The following CCT5 variants were observed in gnomAD, a reference collection of about 807,000 sequenced individuals.
The protein encoded by CCT5 is T-complex protein 1 subunit epsilon.
A neutral mutation model predicts 55.0 loss-of-function variants in CCT5; 6 were observed. The ratio of observed to expected loss-of-function variants is 0.11; its 90% CI spans 0.06 to 0.22. The LOEUF (loss-of-function observed/expected upper bound fraction) is 0.22. Among genes scored for constraint, CCT5 ranks in the 10% least tolerant of loss-of-function variants. The pLI is 1.00. For synonymous variants in CCT5, 231 were observed against 243.7 expected (o/e 0.95, Z 0.49); for missense variants, 560 against 694.6 (o/e 0.81, Z 2.18).
intron 6 of CCT5, among the ~76,000 whole-genome samples, chr5:10,259,155 T>G (rs950172542): frequency 9.9e-5 from 15 of 152,246 alleles, no homozygotes; most frequent in Admixed American, 9.8e-4. Flanking sequence ...AGTTAATGAG[T>G]AACTGGAGTT....
At chr5:10,251,978 G>T (rs1219656643) in intron 1 of CCT5, among the ~76,000 whole-genome samples, 1 of 152,238 alleles carries the variant, frequency 6.6e-6, no homozygotes, top group Non-Finnish European at 1.5e-5. Flanking sequence ...CTTGGGCCCA[G>T]AGCAGTTGAG....
intron 9 of CCT5, 29 bp downstream of exon 9, chr5:10,262,647 G>A (rs1423356296): frequency 4.3e-6 from 7 of 1,613,248 alleles, no homozygotes; most frequent in South Asian, 1.1e-5. Flanking sequence ...CTTAGTGAAA[G>A]ATTCAGGCCT....
chr5:10,258,012 C>T (rs998177422), intron 4 of CCT5, 99 bp from the exon 5 acceptor site: 6 of 1,258,758 alleles, frequency 4.8e-6, no homozygotes, highest in African/African-American at 4.4e-5. Context: ...CTCAAAACAT[C>T]GTTTGATTTA....
chr5:10,265,684 CAT>C lies in CCT5; in HGVS notation c.*903_*904del, dbSNP rs1746195376. The C allele has an allele frequency of 6.6e-6, 1 of 152,148 alleles. No homozygotes were observed. The highest frequency in any genetic ancestry group is 1.5e-5 in the Non-Finnish European group (1 of 68,064). The allele number at this position is 152,148 out of a possible 1,614,324, so 9.4% of individuals were successfully genotyped here. A position where few individuals can be genotyped will look rare whatever the true frequency, so the allele number is the denominator to read the frequency against. On this transcript the variant is annotated 3_prime_UTR_variant, in exon 11 of 11. Coordinates refer to ENST00000280326, the MANE Select transcript of CCT5 (RefSeq NM_012073.5). ...TGCTCACATCTTACAGGTGAGTACTCATAATTGGCCAGCATCTCACCACCAGC... is the reference window on the plus strand; with the variant it reads ...TGCTCACATCTTACAGGTGAGTACTCAATTGGCCAGCATCTCACCACCAGC...
chr5:10,257,470 T>A (rs1745740230), intron 4 of CCT5, among the ~76,000 whole-genome samples: 1 of 152,278 alleles, frequency 6.6e-6, no homozygotes, highest in Non-Finnish European at 1.5e-5. Context: ...ACTTTCATGG[T>A]TCTCTTTTAT....
intron 4 of CCT5, 127 bp from the exon 5 acceptor site, chr5:10,257,984 G>T (rs1745766362): frequency 2.1e-6 from 2 of 966,452 alleles, no homozygotes; most frequent in Non-Finnish European, 3.2e-6. Flanking sequence ...GGTTGAGATG[G>T]CATTCCCCTC....
At position 10,250,471 on chromosome 5, in the gene CCT5, G is replaced by T. The variant is rs769901258; in HGVS notation, c.105+26G>T. 3.7e-6 allele frequency: 6 copies of T among 1,611,158 alleles called. No homozygotes were observed. In the South Asian group the frequency reaches 4.4e-5, roughly 12 times the overall value. ...GTAATGGCACAGGGACCTGCTCGCG[G>T]TGGGCTAAGGGGAGGTGGCCGAGGC... is the stretch of plus-strand genomic sequence containing the variant. On this transcript the variant is annotated intron_variant, in intron 1 of 10. Coordinates refer to ENST00000280326, the MANE Select transcript of CCT5 (RefSeq NM_012073.5).
At chr5:10,257,771 T>C (rs1745755479) in intron 4 of CCT5, 1 of 363,626 alleles carries the variant, frequency 2.8e-6, no homozygotes, top group East Asian at 6.7e-5. Flanking sequence ...AGTAACAGTA[T>C]TCTGTAAAAG....
intron 8 of CCT5, 182 bp from the exon 9 acceptor site, chr5:10,262,299 G>A: frequency 1.5e-6 from 1 of 678,808 alleles, no homozygotes; most frequent in Non-Finnish European, 2.6e-6. Flanking sequence ...GGCCGCCTCT[G>A]CCTCTTGAAT....
chr5:10,263,632 C>CAT lies in CCT5; in HGVS notation c.1498+326_1498+327dup, dbSNP rs1242213766. ...TACACAGATGTCTGTCAGTGGGCAG[C>CAT]ATATATATAACAGCTCTGAAGTGGG... On this transcript the variant is annotated intron_variant, in intron 10 of 10. Transcript: ENST00000280326. 8.5e-5 allele frequency among the ~76,000 whole-genome samples: 13 copies of CAT among 152,308 alleles called. No homozygotes were observed. In the South Asian group the frequency reaches 2.7e-3, roughly 32 times the overall value.
At chr5:10,250,563 C>G in intron 1 of CCT5, 118 bp downstream of exon 1, 1 of 1,520,618 alleles carries the variant, frequency 6.6e-7, no homozygotes, top group South Asian at 1.2e-5. Flanking sequence ...GGTCGAGAAT[C>G]TCCGTCTCCC....
chr5:10,262,414 C>T, intron 8 of CCT5, 67 bp from the exon 9 acceptor site: 1 of 1,562,644 alleles, frequency 6.4e-7, no homozygotes, highest in Non-Finnish European at 8.8e-7. Flanking sequence ...TAAAAAGGTG[C>T]CAGATACTTG....
At position 10,256,163 on chromosome 5, in the gene CCT5, A is replaced by G. The variant is rs1190109515; in HGVS notation, c.530+10A>G. 6.2e-7 allele frequency: 1 copy of G among 1,609,604 alleles called. No individual in the cohort carries two copies. The highest frequency in any genetic ancestry group is 8.5e-7 in the Non-Finnish European group (1 of 1,178,166). On this transcript the variant is annotated intron_variant, in intron 4 of 10. Transcript: ENST00000280326. ...CGCTGGGCTCCAAAGTGTACGTTTC[A>G]GTAGATGATATGATTACCCATTTGT... is the stretch of plus-strand genomic sequence containing the variant.
Position 10,264,900 on chromosome 5 carries a change from A to C in CCT5, c.*117A>C. 1 of 1,331,140 alleles carries C rather than the reference A, an allele frequency of 7.5e-7. No homozygotes were observed. 82.5% of individuals were successfully genotyped at this position (1,331,140 alleles called of 1,614,324 possible). A position where few individuals can be genotyped will look rare whatever the true frequency, so the allele number is the denominator to read the frequency against. On this transcript the variant is annotated 3_prime_UTR_variant, in exon 11 of 11. Coordinates refer to ENST00000280326, the MANE Select transcript of CCT5 (RefSeq NM_012073.5). ...CTTTTCCAGACACTGTAGATGCTATAATAAAAATAGCTGTTTGGTAACCAT... is the reference window on the plus strand; with the variant it reads ...CTTTTCCAGACACTGTAGATGCTATCATAAAAATAGCTGTTTGGTAACCAT...
At chr5:10,264,266 CA>C (rs11374801) in intron 10 of CCT5, among the ~76,000 whole-genome samples, 2 of 151,026 alleles carry the variant, frequency 1.3e-5, no homozygotes, top group Non-Finnish European at 1.5e-5. Flanking sequence ...CACCTGTCTC[CA>C]AAAAAAAAAT....
At chr5:10,264,165 C>A (rs865935231) in intron 10 of CCT5, among the ~76,000 whole-genome samples, 10 of 152,188 alleles carry the variant, frequency 6.6e-5, no homozygotes, top group Middle Eastern at 6.8e-3. Context: ...ATCCCAGCTA[C>A]TCGGGAGGCT....
chr5:10,262,441 A>G, intron 8 of CCT5, 40 bp from the exon 9 acceptor site: 1 of 1,612,104 alleles, frequency 6.2e-7, no homozygotes, highest in Non-Finnish European at 8.5e-7. Flanking sequence ...AATTGACTAG[A>G]TCTTGATCAC....
chr5:10,261,794 G>A (rs755604055), intron 8 of CCT5, 49 bp downstream of exon 8: 6 of 1,527,492 alleles, frequency 3.9e-6, no homozygotes, highest in Non-Finnish European at 4.5e-6. Context: ...TTGCTTCATG[G>A]TCTGGCTTTT....
rs1417000339 is a variant in CCT5, at chr5:10,250,530, C to T, written c.105+85C>T. ...TGCGCCTGCGCGAGTTGAGGAGCGG[C>T]TCTGCCATGTGCTCCCCGGAAAGGT... On this transcript the variant is annotated intron_variant, in intron 1 of 10. Transcript: ENST00000280326. The T allele has an allele frequency of 3.8e-6, 6 of 1,572,822 alleles. No homozygotes were observed. In the South Asian group the frequency reaches 4.6e-5, roughly 12 times the overall value.
Sources: allele counts gnomAD v4.1 joint callset (sites outside exome capture counted in the v4.1 genomes callset), GRCh38; gene constraint gnomAD v4.1.1; transcripts MANE v1.5; gene names NCBI Gene and HGNC (gene_info 2026-07-23, HGNC 2026-07-21).